The following ATF3 variants were observed in gnomAD, a reference collection of about 807,000 sequenced individuals.
ATF3 encodes activating transcription factor 3.
Under a neutral mutation model 18.4 loss-of-function variants are expected in ATF3, and 10 were observed. That is an observed-to-expected ratio of 0.54 (90% CI 0.34 to 0.92). ATF3 has a LOEUF of 0.92. Ranked by LOEUF, ATF3 falls within the 40% of genes least tolerant of loss-of-function variation. The probability of loss-of-function intolerance (pLI) is 0.02; values close to 1 mark genes in which losing one functional copy is unlikely to be tolerated. For synonymous variants in ATF3, 78 were observed against 87.9 expected (o/e 0.89, Z 0.63); for missense variants, 183 against 222.3 (o/e 0.82, Z 1.12).
intron 1 of ATF3, among the ~76,000 whole-genome samples, chr1:212,614,374 G>A (rs775874208): frequency 6.6e-6 from 1 of 152,070 alleles, no homozygotes; most frequent in African/African-American, 2.4e-5. Flanking sequence ...CCAAAGACTG[G>A]GGTGAAGAAA....
intron 1 of ATF3, among the ~76,000 whole-genome samples, chr1:212,571,737 AGTCTG>A (rs1664486045): frequency 8.6e-6 from 1 of 116,950 alleles, no homozygotes. Flanking sequence ...TTTGAGACGG[AGTCTG>A]GCTCTGTCGC....
At chr1:212,590,021 G>T (rs1664852435) in intron 1 of ATF3, among the ~76,000 whole-genome samples, 3 of 151,992 alleles carry the variant, frequency 2.0e-5, no homozygotes, top group South Asian at 2.1e-4. Flanking sequence ...GTTAGTTATA[G>T]GATGTACTTA....
intron 1 of ATF3, among the ~76,000 whole-genome samples, chr1:212,593,487 C>T (rs1034247297): frequency 6.6e-6 from 1 of 151,688 alleles, no homozygotes. Flanking sequence ...GTAACCATAG[C>T]ACTTTGAGAG....
In ATF3 at chr1:212,619,481, C is replaced by T. The variant is rs1417783836; in HGVS notation, c.472C>T (p.Gln158Ter). The change falls in exon 4 of 4, where the codon CAG becomes TAG. Residue 158 changes from glutamine (Q) to a stop codon, truncating the protein, a stop_gained. Transcript: ENST00000341491. LOFTEE classifies it high-confidence loss of function. This position sits in a 1 kb window ranked among gnomAD's most constrained non-coding sequence, Gnocchi z 4.4. The part of the protein sequence containing the change: ...LHRPTCIVRA[Q>*]NGRTPEDERN... ...TCGGCCCACGTGTATTGTCCGGGCT[C>T]AGAATGGGAGGACTCCAGAAGATGA... 1.9e-6 allele frequency: 3 copies of T among 1,614,162 alleles called. No individual in the cohort carries two copies. The highest frequency in any genetic ancestry group is 1.1e-5 in the South Asian group (1 of 91,078).
intron 1 of ATF3, among the ~76,000 whole-genome samples, chr1:212,599,954 C>G (rs544481859): frequency 6.6e-6 from 1 of 152,156 alleles, no homozygotes; most frequent in African/African-American, 2.4e-5. Context: ...GGAGGGCCCC[C>G]GAAAGTGAGG....
chr1:212,597,293 A>G (rs1332757511), intron 1 of ATF3, among the ~76,000 whole-genome samples: 1 of 152,180 alleles, frequency 6.6e-6, no homozygotes, highest in Non-Finnish European at 1.5e-5. Flanking sequence ...CATCTTCATC[A>G]TCGACTGTAG....
chr1:212,586,700 T>C (rs1664785317), intron 1 of ATF3, among the ~76,000 whole-genome samples: 1 of 152,148 alleles, frequency 6.6e-6, no homozygotes, highest in African/African-American at 2.4e-5. Context: ...TGAATTGACG[T>C]GGGAGAAAAT....
intron 1 of ATF3, among the ~76,000 whole-genome samples, chr1:212,581,283 T>G (rs1466893954): frequency 6.6e-6 from 1 of 152,228 alleles, no homozygotes; most frequent in Admixed American, 6.5e-5. Context: ...TCAGTGGGGT[T>G]TCTGCTCGTA....
At chr1:212,607,305 G>A (rs1367756784), upstream of ATF3, among the ~76,000 whole-genome samples, 1 of 152,148 alleles carries the variant, frequency 6.6e-6, no homozygotes, top group Admixed American at 6.5e-5. Context: ...AGGTGTTTCT[G>A]CCCTTCACCG....
rs1664968947 is a variant in ATF3, at chr1:212,595,312, C to T, written c.-4-19706C>T. 5.9e-5 allele frequency among the ~76,000 whole-genome samples: 9 copies of T among 151,524 alleles called. 1 individual carries two copies. The South Asian group carries it at 1.9e-3, about 31-fold the overall frequency. ...TGCAGAAAGTGTGGCTGCCACCCAG[C>T]TTGATATAGAGCCTCTTGGCTCTAA... On this transcript the variant is annotated intron_variant, in intron 1 of 3. Transcript: ENST00000366981.
intron 2 of ATF3, among the ~76,000 whole-genome samples, 197 bp downstream of exon 2, chr1:212,615,458 G>C (rs374084210): frequency 6.6e-6 from 1 of 151,998 alleles, no homozygotes; most frequent in African/African-American, 2.4e-5. Context: ...TGAGTGCAAA[G>C]GAGAAAAAAG....
intron 1 of ATF3, among the ~76,000 whole-genome samples, chr1:212,601,180 A>G (rs1278898254): frequency 6.6e-6 from 1 of 152,224 alleles, no homozygotes; most frequent in African/African-American, 2.4e-5. Flanking sequence ...TTGGGAAAAG[A>G]ATAAAAGTCC....
chr1:212,569,558 C>T (rs1316131732), intron 1 of ATF3, among the ~76,000 whole-genome samples: 7 of 151,264 alleles, frequency 4.6e-5, no homozygotes, highest in African/African-American at 7.3e-5. Context: ...ACAGTGGAGA[C>T]GCAGGGGAAA....
intron 2 of ATF3, among the ~76,000 whole-genome samples, chr1:212,615,981 C>T (rs1655106554): frequency 6.6e-6 from 1 of 151,396 alleles, no homozygotes; most frequent in Non-Finnish European, 1.5e-5. Context: ...ATTAGGAAGT[C>T]AGGTAAGGAT....
At chr1:212,596,064 C>T (rs994680500) in intron 1 of ATF3, among the ~76,000 whole-genome samples, 1 of 152,098 alleles carries the variant, frequency 6.6e-6, no homozygotes, top group Non-Finnish European at 1.5e-5. Context: ...TGGGGTGTGG[C>T]CCCAGTGGAG....
chr1:212,584,699 AC>A (rs950406164), intron 1 of ATF3, among the ~76,000 whole-genome samples: 29 of 152,272 alleles, frequency 1.9e-4, no homozygotes, highest in African/African-American at 6.3e-4. Context: ...ATAACTGGGC[AC>A]CCCATGGCCC....
At chr1:212,586,347 T>C (rs925540703) in intron 1 of ATF3, among the ~76,000 whole-genome samples, 7 of 152,194 alleles carry the variant, frequency 4.6e-5, no homozygotes, top group Non-Finnish European at 1.0e-4. Context: ...GGTGAATTTT[T>C]ATTTGGGGCA....
intron 1 of ATF3, among the ~76,000 whole-genome samples, chr1:212,574,898 A>C (rs1399411567): frequency 6.6e-6 from 1 of 152,006 alleles, no homozygotes; most frequent in Admixed American, 6.6e-5. Context: ...CAATAAGTCT[A>C]AATATCTAAC....
chr1:212,579,916 A>G (rs183572036), intron 1 of ATF3, among the ~76,000 whole-genome samples: 164 of 151,984 alleles, frequency 1.1e-3, no homozygotes, highest in African/African-American at 3.9e-3. Flanking sequence ...AGGCCGAGGC[A>G]GGTGGATCAT....
Sources: allele counts gnomAD v4.1 joint callset (sites outside exome capture counted in the v4.1 genomes callset), GRCh38; gene constraint gnomAD v4.1.1; non-coding constraint Gnocchi (gnomAD v3.1); transcripts MANE v1.5; gene names NCBI Gene and HGNC (gene_info 2026-07-23, HGNC 2026-07-21).